The following RELN variants were observed in gnomAD, a reference collection of about 807,000 sequenced individuals.
RELN encodes reelin.
RELN carries 108 observed loss-of-function variants against 427.6 expected under a neutral mutation model. The observed-to-expected ratio is 0.25, with a 90% CI of 0.22 to 0.30. The LOEUF (loss-of-function observed/expected upper bound fraction) is 0.30. RELN is among the 10% of genes least tolerant of loss of function. RELN has a pLI of 1.00. For synonymous variants in RELN, 1,524 were observed against 1,513.4 expected (o/e 1.01, Z -0.16); for missense variants, 3,715 against 4,302.8 (o/e 0.86, Z 3.82).
rs1462135668 is a variant in RELN at position 103,953,404 on chromosome 7, C to T, written c.226+35727G>A. On this transcript the variant is annotated intron_variant, in intron 1 of 64. Transcript: ENST00000428762. The surrounding 1 kb of genome is among the most constrained non-coding windows in gnomAD (Gnocchi z 4.3). ...TCAAGACAACTCAGATAACGTGATT[C>T]AATCACTTGTAACATTCAGTTTTCT... Among the ~76,000 whole-genome samples the T allele has an allele frequency of 6.6e-6, 1 of 152,176 alleles. No homozygotes were observed. Among genetic ancestry groups the T allele is most frequent in the African/African-American group, 2.4e-5 (1 of 41,454 alleles).
intron 25 of RELN, among the ~76,000 whole-genome samples, chr7:103,594,940 G>A (rs879728223): frequency 1.3e-5 from 2 of 151,932 alleles, no homozygotes; most frequent in East Asian, 1.9e-4. Flanking sequence ...ACTACATAGC[G>A]TTGGCTTCTG....
chr7:103,567,304 G>C (rs1028462660), intron 31 of RELN, among the ~76,000 whole-genome samples: 20 of 152,178 alleles, frequency 1.3e-4, no homozygotes, highest in African/African-American at 4.3e-4. Context: ...AAGCAGAAAG[G>C]CTCACGCTTC....
intron 8 of RELN, among the ~76,000 whole-genome samples, chr7:103,708,338 T>C (rs906133566): frequency 4.6e-5 from 7 of 152,028 alleles, no homozygotes; most frequent in African/African-American, 1.7e-4. Context: ...TCAGCTGTCA[T>C]TCAGAAAAAA....
At chr7:103,595,383 T>A (rs1831514744) in intron 25 of RELN, among the ~76,000 whole-genome samples, 1 of 152,212 alleles carries the variant, frequency 6.6e-6, no homozygotes, top group Non-Finnish European at 1.5e-5. Flanking sequence ...AGTTGCCTTT[T>A]TTCTGTTTTC....
At chr7:103,705,951 T>A (rs949876623) in intron 8 of RELN, among the ~76,000 whole-genome samples, 2 of 152,254 alleles carry the variant, frequency 1.3e-5, no homozygotes, top group Non-Finnish European at 2.9e-5. Context: ...AAATTTCATT[T>A]CATAAATTTA....
chr7:103,652,422 T>A, intron 14 of RELN, 129 bp downstream of exon 14: 1 of 737,704 alleles, frequency 1.4e-6, no homozygotes, highest in Non-Finnish European at 2.3e-6. Context: ...GGCAAAAGTG[T>A]GTTATTTCAT....
chr7:103,500,987 T>A, intron 52 of RELN, 65 bp from the exon 53 acceptor site: 1 of 1,417,308 alleles, frequency 7.1e-7, no homozygotes, highest in Non-Finnish European at 1.0e-6. Context: ...TCCATTGTCC[T>A]GCATGTGTAT....
At chr7:103,619,937 T>C (rs932024657) in intron 20 of RELN, among the ~76,000 whole-genome samples, 3 of 152,182 alleles carry the variant, frequency 2.0e-5, no homozygotes, top group African/African-American at 7.2e-5. Context: ...CTGCCACTAA[T>C]GTGGGAATGA....
chr7:103,664,756 C>T (rs1486789846), intron 11 of RELN, among the ~76,000 whole-genome samples: 1 of 151,946 alleles, frequency 6.6e-6, no homozygotes, highest in East Asian at 1.9e-4. Context: ...GTTTATTGGC[C>T]AGTTGGGGTC....
chr7:103,697,358 C>T (rs1833997668), intron 10 of RELN, among the ~76,000 whole-genome samples: 1 of 152,100 alleles, frequency 6.6e-6, no homozygotes, highest in Non-Finnish European at 1.5e-5. Flanking sequence ...TTCCTCCTTC[C>T]TGGCCAACTC....
At chr7:103,816,328 G>A (rs1001768431) in intron 3 of RELN, among the ~76,000 whole-genome samples, 2 of 152,100 alleles carry the variant, frequency 1.3e-5, no homozygotes, top group Non-Finnish European at 2.9e-5. Flanking sequence ...GCAGTAAGCC[G>A]AGATCGTGCC....
intron 24 of RELN, among the ~76,000 whole-genome samples, chr7:103,598,650 A>G (rs1438451374): frequency 1.3e-5 from 2 of 152,240 alleles, no homozygotes; most frequent in Admixed American, 6.5e-5. Flanking sequence ...AGGTTTTGAA[A>G]GAATGTTTTG....
At chr7:103,761,144 A>C (rs1791288424) in intron 4 of RELN, among the ~76,000 whole-genome samples, 1 of 152,224 alleles carries the variant, frequency 6.6e-6, no homozygotes, top group Admixed American at 6.5e-5. Context: ...TTTATGTCTC[A>C]AAACAATTTA....
At chr7:103,568,423 T>C (rs1414162931) in intron 31 of RELN, among the ~76,000 whole-genome samples, 4 of 152,184 alleles carry the variant, frequency 2.6e-5, no homozygotes, top group African/African-American at 9.7e-5. Flanking sequence ...GAAAATATGT[T>C]CAAATAACAG....
At chr7:103,587,671 A>G (rs1397791789) in intron 28 of RELN, among the ~76,000 whole-genome samples, 2 of 152,202 alleles carry the variant, frequency 1.3e-5, no homozygotes, top group African/African-American at 4.8e-5. Context: ...CAAAGAACTC[A>G]AACAACAGCA....
At chr7:103,944,136 G>C (rs1330048602) in intron 1 of RELN, among the ~76,000 whole-genome samples, 2 of 152,074 alleles carry the variant, frequency 1.3e-5, no homozygotes, top group East Asian at 3.9e-4. Context: ...AGAAAAAACT[G>C]TGGCAAACTA....
intron 2 of RELN, among the ~76,000 whole-genome samples, chr7:103,837,962 C>T (rs1793449688): frequency 6.6e-6 from 1 of 152,026 alleles, no homozygotes. Context: ...AATCCCAGCA[C>T]TTTGGGAGGC....
chr7:103,567,095 A>G (rs1217313021), intron 31 of RELN, among the ~76,000 whole-genome samples: 3 of 152,250 alleles, frequency 2.0e-5, no homozygotes, highest in Admixed American at 6.5e-5. Flanking sequence ...ACAAAGTCTC[A>G]TATCATTATT....
intron 63 of RELN, among the ~76,000 whole-genome samples, chr7:103,479,254 TAAG>T (rs998950222): frequency 6.6e-6 from 1 of 152,184 alleles, no homozygotes; most frequent in African/African-American, 2.4e-5. Flanking sequence ...TCTTTTATCC[TAAG>T]AAGAACCTCA....
Sources: allele counts gnomAD v4.1 joint callset (sites outside exome capture counted in the v4.1 genomes callset), GRCh38; gene constraint gnomAD v4.1.1; non-coding constraint Gnocchi (gnomAD v3.1); transcripts MANE v1.5; gene names NCBI Gene and HGNC (gene_info 2026-07-23, HGNC 2026-07-21).